STK36: variants seen among roughly 807,000 people sequenced by gnomAD.
STK36 encodes serine/threonine kinase 36.
Under a neutral mutation model 142.2 loss-of-function variants are expected in STK36, and 116 were observed. The ratio of observed to expected loss-of-function variants is 0.82; its 90% CI spans 0.70 to 0.95. The LOEUF (loss-of-function observed/expected upper bound fraction) is 0.95, where lower values mean the gene tolerates loss of function less well. Among genes scored for constraint, STK36 ranks in the 40% least tolerant of loss-of-function variants. STK36 has a pLI of 0.00. For synonymous variants in STK36, 619 were observed against 641.7 expected (o/e 0.96, Z 0.53); for missense variants, 1,422 against 1,617.2 (o/e 0.88, Z 2.07).
At chr2:218,679,139 G>C (rs751295316) in intron 6 of STK36, 29 bp from the exon 7 acceptor site, 5 of 1,604,222 alleles carry the variant, frequency 3.1e-6, no homozygotes, top group Non-Finnish European at 4.3e-6. Context: ...GGGAAAGAAT[G>C]ACTGATGGAA....
chr2:218,694,672 C>G lies in STK36; in HGVS notation c.2511+37C>G, dbSNP rs1333223962. The G allele has an allele frequency of 6.4e-7, 1 of 1,558,726 alleles. No homozygotes were observed. On this transcript the variant is annotated intron_variant, in intron 21 of 26. Transcript: ENST00000295709. The surrounding 1 kb of genome is among the most constrained non-coding windows in gnomAD (Gnocchi z 4.4). ...CAGGGAGGGCACAGACATGTTTTCT[C>G]TGAGTCAGACACTAGGACTGCATTC... is the stretch of plus-strand genomic sequence containing the variant.
chr2:218,677,368 G>A (rs772458873), intron 6 of STK36, among the ~76,000 whole-genome samples: 2 of 152,166 alleles, frequency 1.3e-5, no homozygotes, highest in South Asian at 4.1e-4. Flanking sequence ...ATTACAATTC[G>A]ACATGAGATT....
chr2:218,692,649 C>T lies in STK36; in HGVS notation c.1982C>T (p.Ala661Val), dbSNP rs770726080. 1.9e-6 allele frequency: 3 copies of T among 1,613,714 alleles called. No individual in the cohort carries two copies. The highest frequency in any genetic ancestry group is 2.5e-6 in the Non-Finnish European group (3 of 1,179,998). ...SEDIPGAISS[A>V]LAAICTAPVG... ...GATATACCTGGAGCCATTTCCTCTG[C>T]CCTGGCAGCCATATGCACTGCTCCT... The change falls in exon 16 of 27, where the codon GCC becomes GTC. Residue 661 changes from alanine to valine, a missense_variant. Ala to Val is a moderately conservative substitution (Grantham distance 64). Coordinates refer to ENST00000295709, the MANE Select transcript of STK36 (RefSeq NM_015690.5).
rs1357430677 is a variant in STK36 at position 218,693,448 on chromosome 2, C to A, written c.2148+104C>A. On this transcript the variant is annotated intron_variant, in intron 17 of 26. Coordinates refer to ENST00000295709, the MANE Select transcript of STK36 (RefSeq NM_015690.5). ...AGAGGAGGACTAAAAGAGAGAGAGA[C>A]TGAGAGAGACCATTTGAGACACCCC... 26 of 1,132,474 alleles carry A rather than the reference C, an allele frequency of 2.3e-5. No individual in the cohort carries two copies. The East Asian group carries it at 6.5e-4, about 28-fold the overall frequency. 70.2% of individuals were successfully genotyped at this position (1,132,474 alleles called of 1,614,324 possible).
chr2:218,682,187 A>G (rs879481858), intron 10 of STK36, among the ~76,000 whole-genome samples: 3 of 152,166 alleles, frequency 2.0e-5, no homozygotes, highest in South Asian at 2.1e-4. Flanking sequence ...TCGGCCTCCC[A>G]AAGTGCTGGG....
At chr2:218,679,392 C>A in intron 7 of STK36, 131 bp downstream of exon 7, 1 of 1,257,244 alleles carries the variant, frequency 8.0e-7, no homozygotes, top group Non-Finnish European at 1.1e-6. Context: ...TCTTCCTAGC[C>A]CTTCACTTAA....
chr2:218,683,416 A>C (rs1212428451), intron 10 of STK36, among the ~76,000 whole-genome samples: 1 of 152,018 alleles, frequency 6.6e-6, no homozygotes, highest in Non-Finnish European at 1.5e-5. Context: ...CTGGGGTTAC[A>C]GGTGCCTGTC....
chr2:218,694,503 T>A lies in STK36; in HGVS notation c.2401-22T>A. 1.9e-6 allele frequency: 3 copies of A among 1,609,728 alleles called. No individual in the cohort carries two copies. Among genetic ancestry groups the A allele is most frequent in the Non-Finnish European group, 2.6e-6 (3 of 1,175,990 alleles). On this transcript the variant is annotated intron_variant, in intron 20 of 26. Coordinates refer to ENST00000295709, the MANE Select transcript of STK36 (RefSeq NM_015690.5). This position sits in a 1 kb window ranked among gnomAD's most constrained non-coding sequence, Gnocchi z 4.4. ...GCCATTTAGATTTGGACATTCTTTC[T>A]CCTCTTTTACCTCTCCCACAGAGTG...
chr2:218,691,529 GACCCAGGAA>G (rs1940996918), intron 14 of STK36, among the ~76,000 whole-genome samples: 1 of 152,004 alleles, frequency 6.6e-6, no homozygotes, highest in Non-Finnish European at 1.5e-5. Flanking sequence ...AGTTGGGAGG[GACCCAGGAA>G]TCCCTAGGAT....
At chr2:218,675,957 C>G (rs1940222634) in intron 5 of STK36, 72 bp from the exon 6 acceptor site, 2 of 1,578,716 alleles carry the variant, frequency 1.3e-6, no homozygotes, top group East Asian at 2.2e-5. Context: ...TGGGATATCT[C>G]TATGTTAGGT....
chr2:218,682,110 A>G (rs901409329), intron 10 of STK36, among the ~76,000 whole-genome samples: 21 of 152,088 alleles, frequency 1.4e-4, no homozygotes, highest in South Asian at 8.3e-4. Flanking sequence ...TATTTTGAGT[A>G]GAGATGGGGT....
intron 5 of STK36, 150 bp from the exon 6 acceptor site, chr2:218,675,879 G>A (rs995937816): frequency 5.1e-6 from 5 of 981,686 alleles, no homozygotes; most frequent in Non-Finnish European, 7.7e-6. Context: ...TTTAGAACCG[G>A]AGCTAGAGGC....
chr2:218,672,614 C>T (rs902170240), intron 1 of STK36, 127 bp from the exon 2 acceptor site: 2 of 520,038 alleles, frequency 3.8e-6, no homozygotes, highest in Non-Finnish European at 7.0e-6. Flanking sequence ...CAAAGAGAAG[C>T]TCTGTTTGTT....
chr2:218,697,239 G>A, intron 23 of STK36, 26 bp downstream of exon 23: 1 of 1,599,626 alleles, frequency 6.3e-7, no homozygotes, highest in South Asian at 1.1e-5. Flanking sequence ...TATCCTTTTT[G>A]GGAGTGCATT....
At chr2:218,688,972 T>A in intron 12 of STK36, 96 bp downstream of exon 12, 1 of 1,229,476 alleles carries the variant, frequency 8.1e-7, no homozygotes. Context: ...TCTGACTGCC[T>A]TTTATTTTCT....
At chr2:218,697,746 T>G in intron 24 of STK36, 108 bp from the exon 25 acceptor site, 2 of 1,589,168 alleles carry the variant, frequency 1.3e-6, no homozygotes, top group South Asian at 1.1e-5. Flanking sequence ...ACCTAAGTAG[T>G]GGCTGAGACT....
chr2:218,684,942 G>C (rs1940710569), intron 10 of STK36, 143 bp from the exon 11 acceptor site: 8 of 978,034 alleles, frequency 8.2e-6, no homozygotes, highest in Non-Finnish European at 8.8e-6. Flanking sequence ...TTTTTAGCAG[G>C]TGACTGAAGA....
Position 218,694,643 on chromosome 2 carries a change from C to A in STK36, c.2511+8C>A, listed in dbSNP as rs1941155746. On this transcript the variant is annotated splice_region_variant and intron_variant, in intron 21 of 26. Transcript: ENST00000295709. This position sits in a 1 kb window ranked among gnomAD's most constrained non-coding sequence, Gnocchi z 4.4. ...TTGTCTGCCCCTGCAGAGGTGAGGC[C>A]CCCCAGGGAGGGCACAGACATGTTT... 1 of 1,611,490 alleles carries A rather than the reference C, an allele frequency of 6.2e-7. No homozygotes were observed. Among genetic ancestry groups the A allele is most frequent in the Non-Finnish European group, 8.5e-7 (1 of 1,177,816 alleles).
At position 218,690,515 on chromosome 2, in the gene STK36, C is replaced by A. The variant is rs764074022; in HGVS notation, c.1724C>A (p.Pro575Gln). 8.7e-6 allele frequency: 14 copies of A among 1,614,048 alleles called. No individual in the cohort carries two copies. In the South Asian group the frequency reaches 1.5e-4, roughly 18 times the overall value. ...LDLLGKLLAQ[P>Q]DDSEQTLRRD... ...CTGTTGGGGAAACTGCTGGCCCAAC[C>A]AGATGACTCTGAGCAGACTTTGCGG... Residue 575 changes from proline (P) to glutamine (Q), a missense_variant, in exon 14 of 27, where the codon CCA becomes CAA. Coordinates refer to ENST00000295709, the MANE Select transcript of STK36 (RefSeq NM_015690.5).
Sources: allele counts gnomAD v4.1 joint callset (sites outside exome capture counted in the v4.1 genomes callset), GRCh38; gene constraint gnomAD v4.1.1; non-coding constraint Gnocchi (gnomAD v3.1); transcripts MANE v1.5; gene names NCBI Gene and HGNC (gene_info 2026-07-23, HGNC 2026-07-21).